LIN7A: variants seen among roughly 807,000 people sequenced by gnomAD.
The protein encoded by LIN7A is lin-7 cell polarity scaffold A, also known as protein lin-7 homolog A.
A neutral mutation model predicts 29.8 loss-of-function variants in LIN7A; 25 were observed. That is an observed-to-expected ratio of 0.84 (90% CI 0.61 to 1.17). LIN7A has a LOEUF of 1.17. LIN7A is among the 50% of genes most tolerant of loss of function. LIN7A has a pLI of 0.00. For synonymous variants in LIN7A, 118 were observed against 107.5 expected (o/e 1.10, Z -0.60); for missense variants, 239 against 287.0 (o/e 0.83, Z 1.21).
intron 4 of LIN7A, among the ~76,000 whole-genome samples, chr12:80,832,268 A>T (rs2121528206): frequency 6.6e-6 from 1 of 152,326 alleles, no homozygotes; most frequent in Middle Eastern, 3.4e-3. Flanking sequence ...GGTATGATCT[A>T]CGTTTTCTTT....
At chr12:80,879,621 C>G (rs979209522) in intron 2 of LIN7A, among the ~76,000 whole-genome samples, 1 of 135,374 alleles carries the variant, frequency 7.4e-6, no homozygotes, top group Non-Finnish European at 1.5e-5. Flanking sequence ...TATGGGATAG[C>G]CCTGCTGTGT....
At chr12:80,932,169 A>C (rs188099529) in intron 1 of LIN7A, among the ~76,000 whole-genome samples, 1 of 152,322 alleles carries the variant, frequency 6.6e-6, no homozygotes, top group East Asian at 1.9e-4. Context: ...CCTGCCTTGA[A>C]AAGTGAAAAG....
At chr12:80,883,757 G>A (rs574160746) in intron 2 of LIN7A, among the ~76,000 whole-genome samples, 2 of 152,292 alleles carry the variant, frequency 1.3e-5, no homozygotes, top group South Asian at 4.1e-4. Flanking sequence ...CAATTTTAGA[G>A]AAGGGAAAAA....
At chr12:80,818,962 T>C (rs1054998049) in intron 4 of LIN7A, among the ~76,000 whole-genome samples, 3 of 152,242 alleles carry the variant, frequency 2.0e-5, no homozygotes, top group African/African-American at 7.2e-5. Context: ...ACAATGTTGA[T>C]TGGGTATTTA....
chr12:80,853,954 A>G (rs988316754), intron 2 of LIN7A, among the ~76,000 whole-genome samples: 4 of 152,224 alleles, frequency 2.6e-5, no homozygotes, highest in Admixed American at 1.3e-4. Flanking sequence ...TCGGCTTCCC[A>G]AAGTTCTGGG....
intron 1 of LIN7A, chr12:80,935,812 A>G (rs780705355): frequency 3.0e-5 from 15 of 501,828 alleles, no homozygotes; most frequent in South Asian, 1.4e-4. Context: ...AAGGACAAGT[A>G]GAGTTTGGCT....
chr12:80,849,033 G>T (rs76466723), intron 2 of LIN7A, among the ~76,000 whole-genome samples: 1,837 of 152,154 alleles, frequency 0.012, 45 homozygotes, highest in African/African-American at 0.042. Context: ...AAATACATTT[G>T]GTTGAATCTC....
At chr12:80,928,122 G>A (rs1034810104) in intron 1 of LIN7A, among the ~76,000 whole-genome samples, 1 of 152,084 alleles carries the variant, frequency 6.6e-6, no homozygotes, top group Non-Finnish European at 1.5e-5. Context: ...GGACATTTGG[G>A]TTGGTTCCAA....
chr12:80,836,052 G>A (rs528642749), intron 4 of LIN7A, among the ~76,000 whole-genome samples: 1 of 152,234 alleles, frequency 6.6e-6, no homozygotes, highest in Non-Finnish European at 1.5e-5. Flanking sequence ...ACAGCCTCAG[G>A]ATGTATTAGA....
chr12:80,876,088 G>A (rs1324076975), intron 2 of LIN7A, among the ~76,000 whole-genome samples: 2 of 150,784 alleles, frequency 1.3e-5, no homozygotes, highest in East Asian at 1.9e-4. Flanking sequence ...CACAGAGAGA[G>A]AGAAAGAGAG....
chr12:80,833,294 A>G (rs1872459635), intron 4 of LIN7A, among the ~76,000 whole-genome samples: 2 of 152,216 alleles, frequency 1.3e-5, no homozygotes, highest in Admixed American at 6.6e-5. Flanking sequence ...CAGAAACCCA[A>G]GAGTTCTTGG....
At chr12:80,918,046 T>G (rs1475033411) in intron 1 of LIN7A, among the ~76,000 whole-genome samples, 2 of 152,000 alleles carry the variant, frequency 1.3e-5, no homozygotes, top group African/African-American at 4.8e-5. Flanking sequence ...TTGTTTTTCT[T>G]TTCTTTTTCT....
intron 5 of LIN7A, among the ~76,000 whole-genome samples, chr12:80,810,696 T>C (rs1871246227): frequency 6.6e-6 from 1 of 152,220 alleles, no homozygotes; most frequent in Non-Finnish European, 1.5e-5. Context: ...TAGCAATTTA[T>C]ATTCCCACCA....
rs182026720 is a variant in LIN7A at position 80,864,335 on chromosome 12, A to G, written c.202-16013T>C. Among the ~76,000 whole-genome samples the G allele has an allele frequency of 2.7e-3, 414 of 152,284 alleles. 3 individuals carry two copies. Among genetic ancestry groups the G allele is most frequent in the Non-Finnish European group, 3.1e-3 (211 of 68,024 alleles). The stretch of plus-strand genomic sequence containing the variant: ...TTTCCATATCAAGATGAGAAAAAAA[A>G]AGAAATGAATCACTTTATTGCTGAA... On this transcript the variant is annotated intron_variant, in intron 2 of 5. Transcript: ENST00000552864.
chr12:80,893,957 C>G (rs1183783117), intron 1 of LIN7A, among the ~76,000 whole-genome samples: 1 of 152,124 alleles, frequency 6.6e-6, no homozygotes, highest in African/African-American at 2.4e-5. Flanking sequence ...GTTCCTCCAG[C>G]CAGGCCTAGC....
At chr12:80,901,616 T>A (rs942622106) in intron 1 of LIN7A, among the ~76,000 whole-genome samples, 3 of 152,098 alleles carry the variant, frequency 2.0e-5, no homozygotes, top group Non-Finnish European at 4.4e-5. Context: ...AGAAAATCTA[T>A]CAGGAAATTG....
rs142031418 is a variant in LIN7A at position 80,921,366 on chromosome 12, A to G, written c.82+16275T>C. 2.3e-3 allele frequency among the ~76,000 whole-genome samples: 353 copies of G among 151,414 alleles called. 2 individuals are homozygous for G. Among genetic ancestry groups the G allele is most frequent in the African/African-American group, 8.4e-3 (344 of 40,926 alleles). ...GACTAAAGCAGACTGCTGTAACAAAATGCCATACACTGAGTGGCTTAAGCA... is the reference window on the plus strand; with the variant it reads ...GACTAAAGCAGACTGCTGTAACAAAGTGCCATACACTGAGTGGCTTAAGCA... On this transcript the variant is annotated intron_variant, in intron 1 of 5. Coordinates refer to ENST00000552864, the MANE Select transcript of LIN7A (RefSeq NM_004664.4).
intron 2 of LIN7A, among the ~76,000 whole-genome samples, chr12:80,867,125 C>T (rs2120461131): frequency 6.6e-6 from 1 of 152,186 alleles, no homozygotes; most frequent in South Asian, 2.1e-4. Context: ...CTAAGTTTCA[C>T]ATTTTTTGTA....
intron 1 of LIN7A, among the ~76,000 whole-genome samples, chr12:80,925,687 C>G (rs918610818): frequency 4.6e-5 from 7 of 152,164 alleles, no homozygotes; most frequent in African/African-American, 1.4e-4. Context: ...AGCCGTGATT[C>G]AAACCCAGGT....
Sources: gnomAD v4.1 joint callset for allele counts (sites outside exome capture counted in the v4.1 genomes callset) on GRCh38, gnomAD v4.1.1 for gene constraint, MANE v1.5 for transcripts, NCBI Gene and HGNC (gene_info 2026-07-23, HGNC 2026-07-21) for gene names.